ADCY1: variants seen among roughly 807,000 people sequenced by gnomAD.
The protein encoded by ADCY1 is adenylate cyclase 1, also known as adenylate cyclase type 1.
A neutral mutation model predicts 105.4 loss-of-function variants in ADCY1; 28 were observed. The ratio of observed to expected loss-of-function variants is 0.27; its 90% CI spans 0.20 to 0.36. The LOEUF (loss-of-function observed/expected upper bound fraction) is 0.36. Among genes scored for constraint, ADCY1 ranks in the 10% least tolerant of loss-of-function variants. The pLI, the probability that ADCY1 is intolerant of heterozygous loss-of-function variation, is 1.00. For missense variants in ADCY1, 977 were observed against 1,434.2 expected (o/e 0.68, Z 5.15); for synonymous variants, 655 against 623.8 (o/e 1.05, Z -0.75).
At chr7:45,607,565 C>G (rs1191991641) in intron 2 of ADCY1, among the ~76,000 whole-genome samples, 1 of 152,024 alleles carries the variant, frequency 6.6e-6, no homozygotes, top group Non-Finnish European at 1.5e-5. Context: ...AGCATAGTAC[C>G]CAGTAGCTAG....
At position 45,574,427 on chromosome 7, in the gene ADCY1, C is replaced by T. The variant is rs1313083649; in HGVS notation, c.-117C>T. 2.7e-5 allele frequency: 4 copies of T among 147,192 alleles called. No individual in the cohort carries two copies. The South Asian group carries it at 8.4e-4, about 31-fold the overall frequency. 9.1% of individuals were successfully genotyped at this position (147,192 alleles called of 1,614,324 possible). ...GCCCCAACTCCGCCCGCCCCGCGCC[C>T]CGCGCCCCGGCGCCTCGCCGCCCGC... is the stretch of plus-strand genomic sequence containing the variant. On this transcript the variant is annotated 5_prime_UTR_variant, in exon 1 of 20. Coordinates refer to ENST00000297323, the MANE Select transcript of ADCY1 (RefSeq NM_021116.4). This position sits in a 1 kb window ranked among gnomAD's most constrained non-coding sequence, Gnocchi z 7.0.
At chr7:45,665,481 C>T (rs907117837) in intron 8 of ADCY1, among the ~76,000 whole-genome samples, 2 of 152,228 alleles carry the variant, frequency 1.3e-5, no homozygotes, top group African/African-American at 4.8e-5. Context: ...ATAGGTACAC[C>T]CAGAAGCCTC....
chr7:45,654,286 A>G (rs764538066), intron 5 of ADCY1, among the ~76,000 whole-genome samples: 1 of 152,142 alleles, frequency 6.6e-6, no homozygotes, highest in Non-Finnish European at 1.5e-5. Flanking sequence ...TTGAACAGGA[A>G]CCTCATTCTT....
At chr7:45,688,861 A>G (rs940266336) in intron 14 of ADCY1, among the ~76,000 whole-genome samples, 2 of 151,818 alleles carry the variant, frequency 1.3e-5, no homozygotes, top group African/African-American at 4.8e-5. Context: ...ATCTCCCTCA[A>G]GAGAAACCCA....
chr7:45,711,652 C>CAT (rs1435524169), intron 19 of ADCY1, among the ~76,000 whole-genome samples: 1 of 48,408 alleles, frequency 2.1e-5, no homozygotes, highest in East Asian at 5.8e-4. Context: ...TATACACACA[C>CAT]ACACGTATGT....
chr7:45,644,350 G>A (rs1234889214), intron 4 of ADCY1, among the ~76,000 whole-genome samples: 1 of 152,144 alleles, frequency 6.6e-6, no homozygotes, highest in Non-Finnish European at 1.5e-5. Flanking sequence ...GACGGGTCCT[G>A]GGGCTGGGCA....
chr7:45,672,780 C>T (rs1223293673), intron 8 of ADCY1, among the ~76,000 whole-genome samples: 3 of 152,002 alleles, frequency 2.0e-5, no homozygotes, highest in African/African-American at 7.3e-5. Flanking sequence ...CTTTCTTTCC[C>T]ATCTGTATGC....
At chr7:45,666,102 C>T (rs1344427971) in intron 8 of ADCY1, among the ~76,000 whole-genome samples, 1 of 152,072 alleles carries the variant, frequency 6.6e-6, no homozygotes, top group African/African-American at 2.4e-5. Context: ...AAAAAATCAC[C>T]AGTATGCTCA....
chr7:45,682,643 G>C (rs1487146880), intron 11 of ADCY1, among the ~76,000 whole-genome samples: 1 of 152,160 alleles, frequency 6.6e-6, no homozygotes, highest in African/African-American at 2.4e-5. Flanking sequence ...TTTCAGCCCT[G>C]TTTTCCCCAT....
At chr7:45,657,601 A>G in intron 5 of ADCY1, 126 bp from the exon 6 acceptor site, 1 of 1,036,386 alleles carries the variant, frequency 9.6e-7, no homozygotes, top group African/African-American at 1.6e-5. Context: ...CTCCACGCTC[A>G]GGCCACATGC....
chr7:45,630,084 G>A (rs932499765), intron 4 of ADCY1, among the ~76,000 whole-genome samples: 1 of 152,110 alleles, frequency 6.6e-6, no homozygotes, highest in African/African-American at 2.4e-5. Context: ...TGAAGTGTCT[G>A]TTGAAACCTT....
intron 4 of ADCY1, among the ~76,000 whole-genome samples, chr7:45,646,834 C>T (rs1031183805): frequency 2.0e-5 from 3 of 152,210 alleles, no homozygotes; most frequent in Non-Finnish European, 4.4e-5. Flanking sequence ...AGTGGCCAGA[C>T]CCTGGATGTC....
chr7:45,669,553 T>A (rs1784325637), intron 8 of ADCY1, among the ~76,000 whole-genome samples: 1 of 152,220 alleles, frequency 6.6e-6, no homozygotes, highest in Admixed American at 6.5e-5. Flanking sequence ...CTTCCAACTA[T>A]GTGGTCAATT....
chr7:45,711,885 TATATTTATATATTATATTAAATATATAA>T (rs1165506381), intron 19 of ADCY1, among the ~76,000 whole-genome samples: 3 of 104,306 alleles, frequency 2.9e-5, no homozygotes, highest in African/African-American at 3.6e-5. Flanking sequence ...AATATATAAA[TATATTTATATATTATATTAAATATATAA>T]ATATATTATA....
At chr7:45,579,282 T>C (rs1792448296) in intron 1 of ADCY1, among the ~76,000 whole-genome samples, 1 of 152,180 alleles carries the variant, frequency 6.6e-6, no homozygotes. Context: ...CCCAACATGC[T>C]GTCAACTCCC....
chr7:45,688,105 C>T (rs1282218205), intron 14 of ADCY1, among the ~76,000 whole-genome samples: 3 of 152,196 alleles, frequency 2.0e-5, no homozygotes, highest in East Asian at 1.9e-4. Flanking sequence ...AGTTAAGTGA[C>T]CGAAACCCTG....
chr7:45,615,106 T>A (rs1488321087), intron 3 of ADCY1, among the ~76,000 whole-genome samples: 1 of 152,200 alleles, frequency 6.6e-6, no homozygotes, highest in Non-Finnish European at 1.5e-5. Context: ...GATCTTTCTC[T>A]AGGAAAGGTC....
At chr7:45,707,710 G>A (rs921185940) in intron 17 of ADCY1, among the ~76,000 whole-genome samples, 1 of 152,164 alleles carries the variant, frequency 6.6e-6, no homozygotes, top group South Asian at 2.1e-4. Flanking sequence ...TGTAACAAAT[G>A]TGTCACACTT....
rs1286279128 is a variant in ADCY1, at chr7:45,575,797, C to T, written c.639+615C>T. On this transcript the variant is annotated intron_variant, in intron 1 of 19. Transcript: ENST00000297323. The surrounding 1 kb of genome is among the most constrained non-coding windows in gnomAD (Gnocchi z 4.7). ...CACAGTCTAGTCCCTGCCGCTGCCA[C>T]TCGGCGGTTGCCCTGACCCTGCCTT... Among the ~76,000 whole-genome samples the T allele has an allele frequency of 6.6e-6, 1 of 152,264 alleles. No homozygotes were observed. The highest frequency in any genetic ancestry group is 2.1e-4 in the South Asian group (1 of 4,836).
Sources: gnomAD v4.1 joint callset for allele counts (sites outside exome capture counted in the v4.1 genomes callset) on GRCh38, gnomAD v4.1.1 for gene constraint, Gnocchi (gnomAD v3.1) non-coding constraint, MANE v1.5 for transcripts, NCBI Gene and HGNC (gene_info 2026-07-23, HGNC 2026-07-21) for gene names.